Variants in HIVEP3 observed in about 807,000 individuals in gnomAD.
The protein encoded by HIVEP3 is HIVEP zinc finger 3, also known as transcription factor HIVEP3.
A neutral mutation model predicts 152.8 loss-of-function variants in HIVEP3; 49 were observed. The observed-to-expected ratio is 0.32, with a 90% CI of 0.26 to 0.41. The LOEUF (loss-of-function observed/expected upper bound fraction) is 0.41, where lower values mean the gene tolerates loss of function less well. HIVEP3 is among the 10% of genes least tolerant of loss of function. The pLI is 1.00. For missense variants in HIVEP3, 2,790 were observed against 3,103.3 expected, an observed-to-expected ratio of 0.90 and a Z score of 2.40; for synonymous variants, 1,269 against 1,289.0, an observed-to-expected ratio of 0.98 and a Z score of 0.33.
chr1:41,642,452 C>T (rs567977580), intron 2 of HIVEP3, among the ~76,000 whole-genome samples: 89 of 152,344 alleles, frequency 5.8e-4, no homozygotes, highest in African/African-American at 2.0e-3. Context: ...GGTGAGCCCA[C>T]CTCATAGGCC....
chr1:41,604,795 A>G (rs997671402), intron 3 of HIVEP3, among the ~76,000 whole-genome samples: 3 of 152,154 alleles, frequency 2.0e-5, no homozygotes, highest in African/African-American at 4.8e-5. Flanking sequence ...GCGAAAAACC[A>G]ATCTTATGGT....
intron 3 of HIVEP3, among the ~76,000 whole-genome samples, chr1:41,620,760 G>A (rs1645035922): frequency 6.6e-6 from 1 of 152,040 alleles, no homozygotes; most frequent in South Asian, 2.1e-4. Flanking sequence ...ACTCTCCTTT[G>A]TCCTCATAGC....
At chr1:42,034,675 G>A (rs1326985719) in intron 1 of HIVEP3, among the ~76,000 whole-genome samples, 2 of 152,186 alleles carry the variant, frequency 1.3e-5, no homozygotes, top group African/African-American at 4.8e-5. Flanking sequence ...GGAAGATAGG[G>A]AGAGAATGAG....
chr1:41,691,574 A>G (rs1646199282), intron 2 of HIVEP3, among the ~76,000 whole-genome samples: 2 of 152,260 alleles, frequency 1.3e-5, no homozygotes, highest in African/African-American at 4.8e-5. Context: ...CTACCATTTG[A>G]GAACACAGCA....
chr1:41,594,253 C>T (rs758569682), intron 3 of HIVEP3, among the ~76,000 whole-genome samples: 2 of 152,118 alleles, frequency 1.3e-5, no homozygotes, highest in African/African-American at 4.8e-5. Flanking sequence ...AATGGAGTCT[C>T]GCTCTGTTGC....
chr1:41,676,252 A>G (rs1645953638), intron 2 of HIVEP3, among the ~76,000 whole-genome samples: 1 of 152,092 alleles, frequency 6.6e-6, no homozygotes, highest in Admixed American at 6.5e-5. Flanking sequence ...GGGTTTCACC[A>G]TGGTGGCCAG....
At chr1:41,635,040 C>T (rs1165094959) in intron 2 of HIVEP3, among the ~76,000 whole-genome samples, 1 of 152,148 alleles carries the variant, frequency 6.6e-6, no homozygotes, top group Non-Finnish European at 1.5e-5. Context: ...TGTCCCTGTA[C>T]TAGACTGCAA....
intron 1 of HIVEP3, among the ~76,000 whole-genome samples, chr1:41,846,694 G>T (rs1472505339): frequency 6.6e-6 from 1 of 152,238 alleles, no homozygotes; most frequent in Non-Finnish European, 1.5e-5. Context: ...ACTACACTGT[G>T]AAGTAAATGT....
chr1:41,950,369 C>G (rs1165862676), intron 1 of HIVEP3, among the ~76,000 whole-genome samples: 1 of 152,186 alleles, frequency 6.6e-6, no homozygotes, highest in Admixed American at 6.5e-5. Context: ...TCCTCCCCCA[C>G]CAGCCCCAAG....
chr1:41,601,783 T>C (rs911189170), intron 3 of HIVEP3, among the ~76,000 whole-genome samples: 1 of 152,198 alleles, frequency 6.6e-6, no homozygotes, highest in Non-Finnish European at 1.5e-5. Context: ...TGAATAGAAA[T>C]GGCAAGCAAG....
intron 5 of HIVEP3, 142 bp from the exon 6 acceptor site, chr1:41,525,052 G>C: frequency 1.3e-6 from 1 of 761,564 alleles, no homozygotes; most frequent in Non-Finnish European, 2.1e-6. Flanking sequence ...AGAGGACCAC[G>C]AGAGTGGGAG....
At chr1:41,593,842 G>A (rs1644624714) in intron 3 of HIVEP3, among the ~76,000 whole-genome samples, 1 of 152,242 alleles carries the variant, frequency 6.6e-6, no homozygotes, top group South Asian at 2.1e-4. Context: ...AAAGCAAGGT[G>A]TCAGCAGGGC....
At chr1:41,527,309 TTC>T (rs1643010017) in intron 5 of HIVEP3, among the ~76,000 whole-genome samples, 1 of 33,198 alleles carries the variant, frequency 3.0e-5, no homozygotes, top group Non-Finnish European at 6.7e-5. Context: ...ACCCTCACAC[TTC>T]ACACCCCTGC....
intron 1 of HIVEP3, among the ~76,000 whole-genome samples, chr1:41,726,357 A>G (rs1273208332): frequency 6.6e-6 from 1 of 152,162 alleles, no homozygotes; most frequent in Non-Finnish European, 1.5e-5. Context: ...GAAACTACCA[A>G]ATAGAACCAG....
chr1:41,776,508 T>C (rs1648713666), intron 1 of HIVEP3, among the ~76,000 whole-genome samples: 1 of 152,248 alleles, frequency 6.6e-6, no homozygotes, highest in African/African-American at 2.4e-5. Flanking sequence ...TCTTTGGGTC[T>C]GTCTGCTTAT....
intron 1 of HIVEP3, among the ~76,000 whole-genome samples, chr1:41,703,060 G>A (rs1052783087): frequency 1.3e-5 from 2 of 152,106 alleles, no homozygotes; most frequent in Non-Finnish European, 2.9e-5. Flanking sequence ...TAGTCTCCAC[G>A]AAAATTTTGA....
intron 1 of HIVEP3, among the ~76,000 whole-genome samples, chr1:41,811,804 T>C (rs911330214): frequency 6.6e-6 from 1 of 152,054 alleles, no homozygotes; most frequent in Non-Finnish European, 1.5e-5. Context: ...AAAGAGGGAA[T>C]ACGAAAATCG....
intron 1 of HIVEP3, among the ~76,000 whole-genome samples, chr1:42,023,619 C>G (rs1004400425): frequency 3.9e-5 from 6 of 152,008 alleles, no homozygotes; most frequent in Non-Finnish European, 8.8e-5. Flanking sequence ...CTCATGAGAT[C>G]TGGTTGTTTA....
At chr1:41,732,638 G>A (rs1429015617) in intron 1 of HIVEP3, among the ~76,000 whole-genome samples, 2 of 152,134 alleles carry the variant, frequency 1.3e-5, no homozygotes, top group Non-Finnish European at 2.9e-5. Context: ...GGAGCCTCAT[G>A]TCTCTCCCAG....
Sources: allele counts gnomAD v4.1 joint callset (sites outside exome capture counted in the v4.1 genomes callset), GRCh38; gene constraint gnomAD v4.1.1; transcripts MANE v1.5; gene names NCBI Gene and HGNC (gene_info 2026-07-23, HGNC 2026-07-21).